DLG5: variants seen among roughly 807,000 people sequenced by gnomAD.
The protein encoded by DLG5 is disks large homolog 5.
Under a neutral mutation model 189.8 loss-of-function variants are expected in DLG5, and 48 were observed. That is an observed-to-expected ratio of 0.25 (90% CI 0.20 to 0.32). The LOEUF is 0.32. Among genes scored for constraint, DLG5 ranks in the 10% least tolerant of loss-of-function variants. The pLI is 1.00. For synonymous variants in DLG5, 1,016 were observed against 1,054.1 expected, an observed-to-expected ratio of 0.96 and a Z score of 0.70; for missense variants, 2,160 against 2,544.7, an observed-to-expected ratio of 0.85 and a Z score of 3.25.
intron 1 of DLG5, among the ~76,000 whole-genome samples, chr10:77,920,828 G>A (rs1372831038): frequency 2.6e-5 from 4 of 152,278 alleles, no homozygotes; most frequent in African/African-American, 9.6e-5. Context: ...GAGGTCAAAC[G>A]TCCCAAAGGC....
intron 22 of DLG5, 96 bp from the exon 23 acceptor site, chr10:77,811,330 C>A (rs1005740250): frequency 8.1e-6 from 12 of 1,477,306 alleles, no homozygotes; most frequent in Non-Finnish European, 1.0e-5. Context: ...TAAATGGGGA[C>A]CAGGTCACAT....
At chr10:77,912,103 G>T (rs949073950) in intron 1 of DLG5, among the ~76,000 whole-genome samples, 1 of 150,620 alleles carries the variant, frequency 6.6e-6, no homozygotes, top group African/African-American at 2.4e-5. Flanking sequence ...CAGGGAGGCT[G>T]AGGCAGGAGG....
At chr10:77,872,356 T>G (rs906667907) in intron 1 of DLG5, among the ~76,000 whole-genome samples, 1 of 152,194 alleles carries the variant, frequency 6.6e-6, no homozygotes, top group Non-Finnish European at 1.5e-5. Flanking sequence ...CCTACCTCCC[T>G]GGCTGGGGGA....
chr10:77,906,286 T>C (rs1846067757), intron 1 of DLG5, among the ~76,000 whole-genome samples: 1 of 152,244 alleles, frequency 6.6e-6, no homozygotes, highest in Non-Finnish European at 1.5e-5. Flanking sequence ...TCCAGCTTTC[T>C]AGTTCCCACC....
At chr10:77,878,404 A>G (rs1033578678) in intron 1 of DLG5, among the ~76,000 whole-genome samples, 11 of 152,128 alleles carry the variant, frequency 7.2e-5, no homozygotes, top group Non-Finnish European at 1.3e-4. Context: ...ATCCACAAAC[A>G]CCAGCTCTCG....
At chr10:77,920,392 C>T (rs1357243779) in intron 1 of DLG5, among the ~76,000 whole-genome samples, 1 of 152,126 alleles carries the variant, frequency 6.6e-6, no homozygotes, top group Non-Finnish European at 1.5e-5. Flanking sequence ...CAATGACCGC[C>T]TGTGCTAACT....
chr10:77,911,974 G>C (rs1304682553), intron 1 of DLG5, among the ~76,000 whole-genome samples: 1 of 151,020 alleles, frequency 6.6e-6, no homozygotes, highest in Admixed American at 6.6e-5. Context: ...TGAGGAGGGA[G>C]GATCACTTAA....
At chr10:77,870,501 A>G (rs1844854013) in intron 1 of DLG5, among the ~76,000 whole-genome samples, 1 of 152,120 alleles carries the variant, frequency 6.6e-6, no homozygotes. Flanking sequence ...TGGGCAACAT[A>G]GTGAAACTCC....
At chr10:77,871,975 C>T (rs901913194) in intron 1 of DLG5, among the ~76,000 whole-genome samples, 3 of 152,200 alleles carry the variant, frequency 2.0e-5, no homozygotes, top group Admixed American at 1.3e-4. Context: ...GAACCCAACA[C>T]AATGCCTATT....
intron 15 of DLG5, 53 bp from the exon 16 acceptor site, chr10:77,820,071 C>A: frequency 6.2e-7 from 1 of 1,603,810 alleles, no homozygotes; most frequent in Non-Finnish European, 8.5e-7. Flanking sequence ...TGTGGCCAGG[C>A]GCAGTGGCTC....
At position 77,926,217 on chromosome 10, in the gene DLG5, C is replaced by T; in HGVS notation, c.304G>A (p.Gly102Ser). The change falls in exon 1 of 32, where the codon GGT becomes AGT. Residue 102 changes from glycine to serine, a missense_variant and splice_region_variant. Gly to Ser is a moderately conservative substitution (Grantham distance 56, BLOSUM62 0). Transcript: ENST00000372391. The surrounding 1 kb of genome is among the most constrained non-coding windows in gnomAD (Gnocchi z 5.2). ...CGGGGGCCAAGGGTCTGCCACTCAC[C>T]CGCGCCTTCGGCGGGCTGCGGCGGC... is the stretch of plus-strand genomic sequence containing the variant. The part of the protein sequence containing the change: ...VGPPQPAEGA[G>S]STYSVLSTMP... 3 of 1,502,646 alleles carry T rather than the reference C, an allele frequency of 2.0e-6. No individual in the cohort carries two copies. Among genetic ancestry groups the T allele is most frequent in the Non-Finnish European group, 2.7e-6 (3 of 1,121,564 alleles). 93.1% of individuals were successfully genotyped at this position (1,502,646 alleles called of 1,614,324 possible).
At chr10:77,867,834 A>G in intron 2 of DLG5, 1 of 423,366 alleles carries the variant, frequency 2.4e-6, no homozygotes, top group Non-Finnish European at 4.8e-6. Flanking sequence ...TGATGGTGAA[A>G]TAGTCTTTAC....
At chr10:77,921,235 C>A (rs1564598535) in intron 1 of DLG5, among the ~76,000 whole-genome samples, 2 of 152,138 alleles carry the variant, frequency 1.3e-5, no homozygotes, top group Non-Finnish European at 2.9e-5. Flanking sequence ...AGAAAAACCA[C>A]AACAGCTGGA....
intron 1 of DLG5, among the ~76,000 whole-genome samples, chr10:77,911,683 A>G (rs1846225225): frequency 6.6e-6 from 1 of 152,058 alleles, no homozygotes; most frequent in Admixed American, 6.6e-5. Context: ...ATCTATAAAA[A>G]TCCTGTTGGC....
intron 13 of DLG5, among the ~76,000 whole-genome samples, chr10:77,828,352 G>A (rs1842739257): frequency 6.6e-6 from 1 of 152,008 alleles, no homozygotes; most frequent in Non-Finnish European, 1.5e-5. Flanking sequence ...CAGGCATGGT[G>A]GTGCACACCC....
Position 77,856,748 on chromosome 10 carries a change from C to T in DLG5, c.518G>A (p.Gly173Asp), listed in dbSNP as rs765224491. The change falls in exon 3 of 32, where the codon GGC (glycine) becomes GAC (aspartate). Residue 173 changes from glycine (G) to aspartate (D), a missense_variant. Gly to Asp is a moderately conservative substitution (Grantham distance 94). Around this residue, in one of 5 missense-constraint regions of DLG5, gnomAD observed 664 missense variants for 838.5 expected, o/e 0.79. Transcript: ENST00000372391. ...LRKRLAFATH[G>D]TAFDKRPYHR... ...TTACTACCTCTTGTCAAAGGCCGTG[C>T]CATGCGTAGCAAAGGCCAGGCGCTT... The T allele has an allele frequency of 6.2e-6, 10 of 1,613,266 alleles. No individual in the cohort carries two copies. The South Asian group carries it at 9.9e-5, about 16-fold the overall frequency.
At position 77,854,457 on chromosome 10, in the gene DLG5, G is replaced by T. The variant is rs146670464; in HGVS notation, c.537-87C>A. ...CCAGGTCCTGGATTAGGCCAGCCCA[G>T]TGGTTCCCCAGTACTGGTCTTCTAT... On this transcript the variant is annotated intron_variant, in intron 3 of 31. Coordinates refer to ENST00000372391, the MANE Select transcript of DLG5 (RefSeq NM_004747.4). 7.8e-5 allele frequency: 122 copies of T among 1,557,402 alleles called. 1 individual carries two copies. The African/African-American group carries it at 1.3e-3, about 17-fold the overall frequency.
chr10:77,854,432 C>T (rs1012879179), intron 3 of DLG5, 62 bp from the exon 4 acceptor site: 1 of 1,592,812 alleles, frequency 6.3e-7, no homozygotes, highest in South Asian at 1.1e-5. Flanking sequence ...GATAGAGGAA[C>T]CAGGTCCTGG....
intron 4 of DLG5, 92 bp downstream of exon 4, chr10:77,854,135 C>T (rs1844114353): frequency 6.6e-7 from 1 of 1,504,958 alleles, no homozygotes. Context: ...AGGACTAGAA[C>T]CAGAACCCCT....
Sources: gnomAD v4.1 joint callset for allele counts (sites outside exome capture counted in the v4.1 genomes callset) on GRCh38, gnomAD v4.1.1 for gene constraint, gnomAD v4.1.1 regional missense constraint, Gnocchi (gnomAD v3.1) non-coding constraint, MANE v1.5 for transcripts, NCBI Gene and HGNC (gene_info 2026-07-23, HGNC 2026-07-21) for gene names.